The following CARMIL1 variants were observed in gnomAD, a reference collection of about 807,000 sequenced individuals.
CARMIL1 encodes F-actin-uncapping protein LRRC16A.
Under a neutral mutation model 177.1 loss-of-function variants are expected in CARMIL1, and 90 were observed. That is an observed-to-expected ratio of 0.51 (90% CI 0.43 to 0.61). The LOEUF is 0.61. Among genes scored for constraint, CARMIL1 ranks in the 20% least tolerant of loss-of-function variants. The pLI is 0.00. For missense variants in CARMIL1, 1,380 were observed against 1,667.0 expected, an observed-to-expected ratio of 0.83 and a Z score of 3.00; for synonymous variants, 577 against 606.2, an observed-to-expected ratio of 0.95 and a Z score of 0.71.
At chr6:25,490,701 A>C (rs1803117967) in intron 13 of CARMIL1, among the ~76,000 whole-genome samples, 1 of 13,352 alleles carries the variant, frequency 7.5e-5, no homozygotes, top group African/African-American at 1.7e-4. Flanking sequence ...CTGTCTTAAA[A>C]TAAATAAATA....
At chr6:25,381,394 C>A (rs215015) in intron 2 of CARMIL1, among the ~76,000 whole-genome samples, 65,657 of 151,958 alleles carry the variant, frequency 0.43, 14,355 homozygotes, top group Non-Finnish European at 0.47. Flanking sequence ...ACAACCAATT[C>A]TTCGACTCTG....
intron 36 of CARMIL1, among the ~76,000 whole-genome samples, chr6:25,611,607 G>A (rs1816512900): frequency 6.6e-6 from 1 of 152,220 alleles, no homozygotes; most frequent in Non-Finnish European, 1.5e-5. Context: ...GAAAAGTGAG[G>A]AAGGGATGGT....
intron 5 of CARMIL1, among the ~76,000 whole-genome samples, chr6:25,436,395 A>G (rs1797234003): frequency 6.6e-6 from 1 of 152,208 alleles, no homozygotes; most frequent in African/African-American, 2.4e-5. Flanking sequence ...GAAGGGCTGG[A>G]GGCCCCACAT....
At chr6:25,538,578 GATGATAGAAGC>G (rs1313429564) in intron 25 of CARMIL1, among the ~76,000 whole-genome samples, 1 of 152,194 alleles carries the variant, frequency 6.6e-6, no homozygotes, top group Non-Finnish European at 1.5e-5. Context: ...GAGTGATAGG[GATGATAGAAGC>G]ATCTTTTGTT....
intron 24 of CARMIL1, among the ~76,000 whole-genome samples, chr6:25,532,718 ATATTTT>A (rs1189432398): frequency 6.6e-6 from 1 of 152,204 alleles, no homozygotes; most frequent in Non-Finnish European, 1.5e-5. Flanking sequence ...TGATTAGGAA[ATATTTT>A]TATAAGACTC....
At chr6:25,442,605 GCA>G (rs1288652268) in intron 5 of CARMIL1, among the ~76,000 whole-genome samples, 1 of 151,892 alleles carries the variant, frequency 6.6e-6, no homozygotes, top group East Asian at 1.9e-4. Flanking sequence ...TTATTTCTGT[GCA>G]CAGTGTTAGC....
At chr6:25,502,486 G>A (rs551730421) in intron 17 of CARMIL1, among the ~76,000 whole-genome samples, 8 of 151,418 alleles carry the variant, frequency 5.3e-5, no homozygotes, top group African/African-American at 7.3e-5. Flanking sequence ...CCTGGGAGGC[G>A]GAGGTTGCAG....
intron 2 of CARMIL1, among the ~76,000 whole-genome samples, chr6:25,299,306 G>A (rs1189175661): frequency 1.3e-5 from 2 of 151,140 alleles, no homozygotes; most frequent in African/African-American, 4.9e-5. Flanking sequence ...GAATAGCTGG[G>A]ATTACAGGTG....
chr6:25,451,747 A>AGTAGCAGGG (rs375130323), intron 8 of CARMIL1, among the ~76,000 whole-genome samples: 1 of 152,110 alleles, frequency 6.6e-6, no homozygotes, highest in African/African-American at 2.4e-5. Context: ...GCTACTTATT[A>AGTAGCAGGG]GTAGCAGGGG....
At chr6:25,588,974 G>A (rs971460839) in intron 31 of CARMIL1, among the ~76,000 whole-genome samples, 21 of 152,118 alleles carry the variant, frequency 1.4e-4, no homozygotes, top group African/African-American at 4.6e-4. Flanking sequence ...CACACTAGTC[G>A]GCCCAATGAT....
intron 2 of CARMIL1, among the ~76,000 whole-genome samples, chr6:25,308,787 GAAGTTCACTT>G (rs748866877): frequency 6.6e-6 from 1 of 152,080 alleles, no homozygotes; most frequent in Admixed American, 6.5e-5. Context: ...AGTGAAGGTG[GAAGTTCACTT>G]AATAAAAAAG....
chr6:25,588,688 T>C (rs1814008382), intron 31 of CARMIL1, among the ~76,000 whole-genome samples: 1 of 152,220 alleles, frequency 6.6e-6, no homozygotes, highest in Non-Finnish European at 1.5e-5. Context: ...AGGTGACAAG[T>C]ATTCCCTTAA....
In CARMIL1 at chr6:25,405,725, A is replaced by C. The variant is rs1794304038; in HGVS notation, c.139-14389A>C. Among the ~76,000 whole-genome samples, 4 of 152,328 alleles carry C rather than the reference A, an allele frequency of 2.6e-5. No homozygotes were observed. In the Middle Eastern group the frequency reaches 0.014, roughly 518 times the overall value. ...TTGTTCTATTTCTTTTCCTTTTGGC[A>C]GGTGAGTTGGGAATTAGCTAGTAGA... On this transcript the variant is annotated intron_variant, in intron 2 of 36. Transcript: ENST00000329474.
intron 4 of CARMIL1, among the ~76,000 whole-genome samples, chr6:25,431,531 G>A (rs946038985): frequency 6.6e-6 from 1 of 151,806 alleles, no homozygotes. Flanking sequence ...ATGACATAAT[G>A]ACATAACAAG....
intron 8 of CARMIL1, among the ~76,000 whole-genome samples, chr6:25,450,993 TCCCCTCTCC>T (rs1798849952): frequency 2.8e-5 from 1 of 35,128 alleles, no homozygotes; most frequent in Non-Finnish European, 5.8e-5. Flanking sequence ...CCCTCCCCTC[TCCCCTCTCC>T]CCTCTCCCCT....
intron 2 of CARMIL1, among the ~76,000 whole-genome samples, chr6:25,408,299 A>T (rs1006624446): frequency 4.6e-5 from 7 of 151,710 alleles, no homozygotes; most frequent in East Asian, 1.9e-4. Flanking sequence ...AAATAAAAAA[A>T]AAAAAAAAAA....
At chr6:25,333,352 C>T (rs1017436266) in intron 2 of CARMIL1, among the ~76,000 whole-genome samples, 2 of 152,062 alleles carry the variant, frequency 1.3e-5, no homozygotes, top group African/African-American at 4.8e-5. Context: ...TGCTTGACCC[C>T]AGGAGTTCGA....
chr6:25,396,593 C>T (rs1407377890), intron 2 of CARMIL1, among the ~76,000 whole-genome samples: 2 of 152,094 alleles, frequency 1.3e-5, no homozygotes, highest in Non-Finnish European at 1.5e-5. Context: ...AACTGCTGAC[C>T]TCAAGTGATC....
intron 12 of CARMIL1, among the ~76,000 whole-genome samples, 192 bp downstream of exon 12, chr6:25,482,535 G>A (rs1802219547): frequency 6.6e-6 from 1 of 152,200 alleles, no homozygotes; most frequent in Non-Finnish European, 1.5e-5. Flanking sequence ...GCAGTGAAGT[G>A]CTGTCAGAGC....
Sources: gnomAD v4.1 joint callset for allele counts (sites outside exome capture counted in the v4.1 genomes callset) on GRCh38, gnomAD v4.1.1 for gene constraint, MANE v1.5 for transcripts, NCBI Gene and HGNC (gene_info 2026-07-23, HGNC 2026-07-21) for gene names.